The following PDPK1 variants were observed in gnomAD, a reference collection of about 807,000 sequenced individuals.
The protein encoded by PDPK1 is 3-phosphoinositide-dependent protein kinase 1.
In PDPK1, 7 loss-of-function variants were observed where a neutral mutation model predicts 39.8. The observed-to-expected ratio is 0.18, with a 90% CI of 0.10 to 0.33. PDPK1 has a LOEUF of 0.33. Among genes scored for constraint, PDPK1 ranks in the 10% least tolerant of loss-of-function variants. The pLI is 1.00. For synonymous variants in PDPK1, 118 were observed against 159.1 expected (o/e 0.74, Z 1.95); for missense variants, 182 against 384.7 (o/e 0.47, Z 4.41).
rs1369278228 is a variant in PDPK1, at chr16:2,602,867, T to A, written c.*5100T>A. ...TTCTTATATAAGGTTATTTGCTGGC[T>A]ATTGTTGGCCTCTAGTTCAGTCTGT... On this transcript the variant is annotated 3_prime_UTR_variant, in exon 14 of 14. Transcript: ENST00000342085. The A allele has an allele frequency of 8.6e-6, 2 of 233,450 alleles. No homozygotes were observed. The highest frequency in any genetic ancestry group is 1.2e-4 in the East Asian group (2 of 16,448). The allele number at this position is 233,450 out of a possible 1,614,324, so 14.5% of individuals were successfully genotyped here.
chr16:2,596,031 A>ACG (rs2067094825), intron 12 of PDPK1, among the ~76,000 whole-genome samples, 181 bp downstream of exon 12: 1 of 152,196 alleles, frequency 6.6e-6, no homozygotes, highest in African/African-American at 2.4e-5. Flanking sequence ...GTGGAGCCAC[A>ACG]CGCGTAGGCG....
chr16:2,552,785 G>T (rs1370016401), intron 1 of PDPK1, among the ~76,000 whole-genome samples: 1 of 134,128 alleles, frequency 7.5e-6, no homozygotes, highest in Non-Finnish European at 1.6e-5. Context: ...AGTCACAGAA[G>T]CTTGTCTCGA....
intron 10 of PDPK1, among the ~76,000 whole-genome samples, chr16:2,584,632 T>A (rs915807071): frequency 6.6e-5 from 10 of 150,654 alleles, no homozygotes; most frequent in Non-Finnish European, 1.2e-4. Flanking sequence ...CCTCCCAAAC[T>A]GCTGGGGTTT....
At chr16:2,540,893 C>G (rs2066232876) in intron 1 of PDPK1, among the ~76,000 whole-genome samples, 1 of 152,216 alleles carries the variant, frequency 6.6e-6, no homozygotes, top group South Asian at 2.1e-4. Context: ...GTGGTTCTGT[C>G]TTTTGCAAAG....
At chr16:2,596,828 G>A (rs993457066) in intron 12 of PDPK1, among the ~76,000 whole-genome samples, 3 of 152,100 alleles carry the variant, frequency 2.0e-5, no homozygotes, top group Admixed American at 6.5e-5. Flanking sequence ...GGTGGAGGCC[G>A]GCTACCGAGA....
At chr16:2,584,984 G>C (rs909357526) in intron 10 of PDPK1, among the ~76,000 whole-genome samples, 1 of 152,234 alleles carries the variant, frequency 6.6e-6, no homozygotes, top group Non-Finnish European at 1.5e-5. Flanking sequence ...TGGGCCTGCT[G>C]TTGCTGCAGA....
At chr16:2,553,377 G>T (rs1195426683) in intron 1 of PDPK1, among the ~76,000 whole-genome samples, 1 of 134,654 alleles carries the variant, frequency 7.4e-6, no homozygotes, top group African/African-American at 3.1e-5. Context: ...AAGAGACAAG[G>T]TTTTGTTCTG....
At chr16:2,539,101 T>G (rs2066195021) in intron 1 of PDPK1, 2 of 210,750 alleles carry the variant, frequency 9.5e-6, no homozygotes, top group Admixed American at 5.5e-5. Flanking sequence ...TTTTTTTTGA[T>G]GGAGTCTCCC....
At chr16:2,592,042 G>A (rs1019324477) in intron 11 of PDPK1, among the ~76,000 whole-genome samples, 1 of 152,200 alleles carries the variant, frequency 6.6e-6, no homozygotes, top group Admixed American at 6.5e-5. Flanking sequence ...TGAGCCTGCA[G>A]AGCCCTCCCG....
rs2067235887 is a variant in PDPK1 at position 2,602,413 on chromosome 16, C to T, written c.*4646C>T. 4.3e-6 allele frequency: 1 copy of T among 235,138 alleles called. No homozygotes were observed. The highest frequency in any genetic ancestry group is 1.8e-4 in the South Asian group (1 of 5,530). 14.6% of individuals were successfully genotyped at this position (235,138 alleles called of 1,614,324 possible). A position where few individuals can be genotyped will look rare whatever the true frequency, so the allele number is the denominator to read the frequency against. On this transcript the variant is annotated 3_prime_UTR_variant, in exon 14 of 14. Coordinates refer to ENST00000342085, the MANE Select transcript of PDPK1 (RefSeq NM_002613.5). Reference sequence around the variant, plus strand: ...TGGCTGTGGTGAGCAACTGAACGAGCCTACGTGTGTACCTGAATTTTCCCC... The same window carrying T: ...TGGCTGTGGTGAGCAACTGAACGAGTCTACGTGTGTACCTGAATTTTCCCC...
At position 2,602,780 on chromosome 16, in the gene PDPK1, A is replaced by AAAT; in HGVS notation, c.*5014_*5016dup. The AAAT allele has an allele frequency of 8.5e-6, 2 of 234,586 alleles. No homozygotes were observed. Among genetic ancestry groups the AAAT allele is most frequent in the Non-Finnish European group, 1.7e-5 (2 of 117,962 alleles). 14.5% of individuals were successfully genotyped at this position (234,586 alleles called of 1,614,324 possible). On this transcript the variant is annotated 3_prime_UTR_variant, in exon 14 of 14. Coordinates refer to ENST00000342085, the MANE Select transcript of PDPK1 (RefSeq NM_002613.5). Reference sequence around the variant, plus strand: ...TAACTGTGATGTACAGACAAAGCAAAAATTAAAAGAACTTATGAAAACAAA... The same window carrying AAAT: ...TAACTGTGATGTACAGACAAAGCAAAAATAATTAAAAGAACTTATGAAAACAAA...
intron 1 of PDPK1, among the ~76,000 whole-genome samples, chr16:2,545,161 C>T (rs2066318199): frequency 6.6e-6 from 1 of 151,148 alleles, no homozygotes; most frequent in South Asian, 2.1e-4. Context: ...CTCTGCCTCC[C>T]AAGTAGCTGG....
intron 11 of PDPK1, among the ~76,000 whole-genome samples, chr16:2,588,427 A>G (rs534436210): frequency 6.6e-6 from 1 of 152,252 alleles, no homozygotes; most frequent in East Asian, 1.9e-4. Context: ...GGCCACTCCA[A>G]GTACTTGGCC....
At chr16:2,596,094 T>G (rs2067096363) in intron 12 of PDPK1, among the ~76,000 whole-genome samples, 1 of 152,240 alleles carries the variant, frequency 6.6e-6, no homozygotes, top group Admixed American at 6.5e-5. Flanking sequence ...TGGGGCTGCC[T>G]GTTTTGAGGT....
At chr16:2,595,439 T>C (rs748004138) in intron 11 of PDPK1, among the ~76,000 whole-genome samples, 4 of 152,206 alleles carry the variant, frequency 2.6e-5, no homozygotes, top group Non-Finnish European at 5.9e-5. Flanking sequence ...GAGGCAGTTC[T>C]GCGCCTCACC....
chr16:2,561,318 CT>C (rs1307488164), intron 2 of PDPK1, among the ~76,000 whole-genome samples, 161 bp from the exon 3 acceptor site: 1 of 142,382 alleles, frequency 7.0e-6, no homozygotes, highest in Non-Finnish European at 1.5e-5. Context: ...CGAGCATTGG[CT>C]TTTAGCTCTA....
Position 2,595,867 on chromosome 16 carries a change from C to T in PDPK1, c.1401+17C>T, listed in dbSNP as rs371663580. 20 of 1,603,938 alleles carry T rather than the reference C, an allele frequency of 1.2e-5. No individual in the cohort carries two copies. The highest frequency in any genetic ancestry group is 1.7e-5 in the Admixed American group (1 of 59,998). ...AAGCGGAAGGTGAGTGGTCAGTGGT[C>T]CCGCTGCTCCGCACGGACACCTGCA... On this transcript the variant is annotated intron_variant, in intron 12 of 13. Transcript: ENST00000342085.
chr16:2,596,471 G>A (rs1205281837), intron 12 of PDPK1, among the ~76,000 whole-genome samples: 1 of 152,218 alleles, frequency 6.6e-6, no homozygotes, highest in East Asian at 1.9e-4. Context: ...TGGGATTACA[G>A]GCGTGAGCCA....
intron 1 of PDPK1, among the ~76,000 whole-genome samples, chr16:2,544,798 A>G (rs1022529482): frequency 1.3e-5 from 2 of 151,890 alleles, no homozygotes; most frequent in Admixed American, 1.3e-4. Context: ...GTTAGCTAGG[A>G]TGGAATTGAT....
Sources: gnomAD v4.1 joint callset for allele counts (sites outside exome capture counted in the v4.1 genomes callset) on GRCh38, gnomAD v4.1.1 for gene constraint, MANE v1.5 for transcripts, NCBI Gene and HGNC (gene_info 2026-07-23, HGNC 2026-07-21) for gene names.